Variants in MSN observed in about 807,000 individuals in gnomAD.
The protein encoded by MSN is epididymis luminal protein 70.
A neutral mutation model predicts 48.0 loss-of-function variants in MSN; 2 were observed. That is an observed-to-expected ratio of 0.04 (90% CI 0.02 to 0.13). The LOEUF (loss-of-function observed/expected upper bound fraction) is 0.13, where lower values mean the gene tolerates loss of function less well. Ranked by LOEUF, MSN falls within the 10% of genes least tolerant of loss-of-function variation. The probability of loss-of-function intolerance (pLI) is 1.00; values close to 1 mark genes in which losing one functional copy is unlikely to be tolerated. For synonymous variants in MSN, 146 were observed against 166.9 expected, an observed-to-expected ratio of 0.87 and a Z score of 0.97; for missense variants, 267 against 470.1, an observed-to-expected ratio of 0.57 and a Z score of 3.99.
intron 2 of MSN, among the ~76,000 whole-genome samples, chrX:65,719,609 A>T (rs2071498015): frequency 8.9e-6 from 1 of 111,760 alleles, no homozygotes; most frequent in African/African-American, 3.3e-5. Flanking sequence ...TGCTTTAGAC[A>T]GCAGTATCAT....
intron 1 of MSN, among the ~76,000 whole-genome samples, chrX:65,600,909 GC>G (rs898519881): frequency 2.7e-5 from 3 of 111,427 alleles, no homozygotes; most frequent in African/African-American, 9.8e-5. Context: ...CTGTGAAATG[GC>G]GAGTGTTCTC....
intron 1 of MSN, among the ~76,000 whole-genome samples, chrX:65,660,248 C>T (rs1328900119): frequency 9.0e-6 from 1 of 111,665 alleles, no homozygotes; most frequent in South Asian, 3.7e-4. Flanking sequence ...TGGCTCTAGC[C>T]CTCAAAATTT....
chrX:65,617,091 C>T (rs1233688828), intron 1 of MSN, among the ~76,000 whole-genome samples: 1 of 106,992 alleles, frequency 9.3e-6, no homozygotes, highest in Non-Finnish European at 1.9e-5. Flanking sequence ...TTTTGATGTG[C>T]TGCTGGATTC....
intron 1 of MSN, among the ~76,000 whole-genome samples, chrX:65,617,973 T>G (rs2070392490): frequency 1.8e-5 from 2 of 108,671 alleles, no homozygotes; most frequent in African/African-American, 6.7e-5. Flanking sequence ...TACCCAGTAG[T>G]CATTCAGGAG....
At chrX:65,609,031 T>C (rs1211008625) in intron 1 of MSN, among the ~76,000 whole-genome samples, 3 of 109,866 alleles carry the variant, frequency 2.7e-5, no homozygotes, top group African/African-American at 6.6e-5. Flanking sequence ...GTAACTTAAC[T>C]GGGGCTTGTA....
intron 1 of MSN, among the ~76,000 whole-genome samples, chrX:65,596,929 T>C (rs763742204): frequency 5.3e-5 from 6 of 112,286 alleles, no homozygotes; most frequent in African/African-American, 1.9e-4. Context: ...ACAGAAACCC[T>C]GCCTTTAAGT....
At chrX:65,694,614 C>G (rs750671832) in intron 1 of MSN, among the ~76,000 whole-genome samples, 1 of 112,223 alleles carries the variant, frequency 8.9e-6, no homozygotes, top group African/African-American at 3.2e-5. Flanking sequence ...CAGGCGTGAG[C>G]CACCACGCCC....
At chrX:65,730,500 A>C (rs887027629) in intron 4 of MSN, among the ~76,000 whole-genome samples, 4 of 111,074 alleles carry the variant, frequency 3.6e-5, no homozygotes, top group African/African-American at 9.8e-5. Flanking sequence ...CACACCCATA[A>C]GATATTAGGG....
At chrX:65,705,573 G>T (rs761641326) in intron 1 of MSN, among the ~76,000 whole-genome samples, 1 of 112,252 alleles carries the variant, frequency 8.9e-6, no homozygotes, top group Admixed American at 9.4e-5. Flanking sequence ...ATGCAATTAC[G>T]GCTGGATTAA....
At chrX:65,609,594 G>GTT in intron 1 of MSN, among the ~76,000 whole-genome samples, 1 of 111,546 alleles carries the variant, frequency 9.0e-6, no homozygotes, top group Non-Finnish European at 1.9e-5. Flanking sequence ...ATAAAGAGTA[G>GTT]ATTTCCTGGC....
intron 1 of MSN, among the ~76,000 whole-genome samples, chrX:65,636,476 C>T (rs1229196054): frequency 2.7e-5 from 3 of 110,794 alleles, no homozygotes; most frequent in Admixed American, 9.7e-5. Context: ...GTGGCTCATG[C>T]CTATAATCCC....
At chrX:65,588,430 C>A in exon 1 of MSN, 1 of 371,856 alleles carries the variant, frequency 2.7e-6, no homozygotes, top group Non-Finnish European at 3.6e-6. Context: ...TAGCTCTTGG[C>A]TATCTCTTCC....
chrX:65,618,892 A>G (rs1356710651), intron 1 of MSN, among the ~76,000 whole-genome samples: 1 of 110,667 alleles, frequency 9.0e-6, no homozygotes, highest in South Asian at 3.8e-4. Context: ...AGCTCTTGTA[A>G]GGCAGGCCTG....
At chrX:65,667,043 G>A (rs992707222), upstream of MSN, among the ~76,000 whole-genome samples, 1 of 111,855 alleles carries the variant, frequency 8.9e-6, no homozygotes, top group Non-Finnish European at 1.9e-5. Context: ...AGGATGGGTA[G>A]GAAATATGAT....
At chrX:65,620,272 C>G (rs2070425177) in intron 1 of MSN, among the ~76,000 whole-genome samples, 1 of 112,721 alleles carries the variant, frequency 8.9e-6, no homozygotes, top group African/African-American at 3.2e-5. Context: ...TTTACCTAAG[C>G]AAGCCTGGGC....
At chrX:65,625,402 A>G (rs180716106) in intron 1 of MSN, 8 of 111,755 alleles carry the variant, frequency 7.2e-5, no homozygotes, top group African/African-American at 2.6e-4. Flanking sequence ...TTATTTTAGA[A>G]CAGTGTATTT....
At chrX:65,596,777 T>A (rs781436929) in intron 1 of MSN, among the ~76,000 whole-genome samples, 1 of 109,646 alleles carries the variant, frequency 9.1e-6, no homozygotes, top group Non-Finnish European at 1.9e-5. Flanking sequence ...ATTTCCAGCT[T>A]TCTGGAGTGT....
intron 12 of MSN, 132 bp from the exon 13 acceptor site, chrX:65,739,597 C>G: frequency 1.3e-6 from 1 of 745,972 alleles, no homozygotes. Context: ...GGAAATGACT[C>G]TCAATATTTA....
chrX:65,617,328 T>A (rs1472614989), intron 1 of MSN, among the ~76,000 whole-genome samples: 1 of 111,050 alleles, frequency 9.0e-6, no homozygotes, highest in East Asian at 2.8e-4. Flanking sequence ...TGTGAATCCA[T>A]CTGGTCCTGG....
Sources: gnomAD v4.1 joint callset for allele counts (sites outside exome capture counted in the v4.1 genomes callset) on GRCh38, gnomAD v4.1.1 for gene constraint, MANE v1.5 for transcripts, NCBI Gene and HGNC (gene_info 2026-07-23, HGNC 2026-07-21) for gene names.